Variants in DNM3 observed in about 807,000 individuals in gnomAD.
The protein encoded by DNM3 is dynamin 3, also known as dynamin-3.
DNM3 carries 47 observed loss-of-function variants against 101.6 expected under a neutral mutation model. That is an observed-to-expected ratio of 0.46 (90% CI 0.37 to 0.59). The LOEUF (loss-of-function observed/expected upper bound fraction) is 0.59. DNM3 is among the 20% of genes least tolerant of loss of function. DNM3 has a pLI of 0.00. For missense variants in DNM3, 849 were observed against 1,085.7 expected, an observed-to-expected ratio of 0.78 and a Z score of 3.06; for synonymous variants, 385 against 387.9, an observed-to-expected ratio of 0.99 and a Z score of 0.09.
chr1:171,887,625 T>A (rs1274446346), intron 1 of DNM3, among the ~76,000 whole-genome samples: 1 of 151,214 alleles, frequency 6.6e-6, no homozygotes, highest in Non-Finnish European at 1.5e-5. Context: ...AATTAATTTA[T>A]TTTTTTTTGT....
intron 1 of DNM3, among the ~76,000 whole-genome samples, chr1:171,879,368 G>C (rs2036060485): frequency 6.6e-6 from 1 of 152,102 alleles, no homozygotes; most frequent in Non-Finnish European, 1.5e-5. Context: ...AAGATTATAT[G>C]ATGTACTTTG....
At chr1:172,101,785 A>G (rs1181818556) in intron 13 of DNM3, among the ~76,000 whole-genome samples, 2 of 152,074 alleles carry the variant, frequency 1.3e-5, no homozygotes, top group Non-Finnish European at 2.9e-5. Flanking sequence ...AATAGTTTGT[A>G]AATTTCATCA....
chr1:172,174,519 A>G (rs548792610), intron 14 of DNM3, among the ~76,000 whole-genome samples: 42 of 151,720 alleles, frequency 2.8e-4, no homozygotes, highest in Non-Finnish European at 5.2e-4. Context: ...GAAGGGACTG[A>G]CAAGTTACAC....
intron 17 of DNM3, among the ~76,000 whole-genome samples, chr1:172,365,153 A>C (rs904725427): frequency 6.6e-6 from 1 of 151,974 alleles, no homozygotes; most frequent in African/African-American, 2.4e-5. Flanking sequence ...TAAATGTATA[A>C]TAATGTTAAA....
chr1:172,379,569 G>A (rs536498721), intron 18 of DNM3, among the ~76,000 whole-genome samples: 17 of 152,006 alleles, frequency 1.1e-4, no homozygotes, highest in Non-Finnish European at 2.1e-4. Flanking sequence ...ATGCCCATGC[G>A]TGTGCATGCA....
At chr1:172,343,038 G>A (rs1331215100) in intron 17 of DNM3, among the ~76,000 whole-genome samples, 1 of 152,174 alleles carries the variant, frequency 6.6e-6, no homozygotes, top group Non-Finnish European at 1.5e-5. Flanking sequence ...TCCCTAAGGC[G>A]AAGGAGCTAA....
intron 20 of DNM3, chr1:172,393,809 G>GTTT (rs1558084841): frequency 6.6e-6 from 1 of 152,398 alleles, no homozygotes; most frequent in Non-Finnish European, 1.5e-5. Flanking sequence ...AAGGAAAGAT[G>GTTT]TTTTTTTAAG....
chr1:172,343,847 TCAAC>T (rs2066806384), intron 17 of DNM3, among the ~76,000 whole-genome samples: 1 of 152,208 alleles, frequency 6.6e-6, no homozygotes, highest in Admixed American at 6.5e-5. Flanking sequence ...ACTGAACGGC[TCAAC>T]CAAACAGATA....
intron 20 of DNM3, among the ~76,000 whole-genome samples, chr1:172,391,591 A>G (rs1201914737): frequency 6.6e-6 from 1 of 152,212 alleles, no homozygotes; most frequent in East Asian, 1.9e-4. Context: ...TGTTTGTTTA[A>G]TATATTCTAT....
chr1:172,123,835 G>T (rs1425798559), intron 13 of DNM3, among the ~76,000 whole-genome samples: 3 of 152,034 alleles, frequency 2.0e-5, no homozygotes, highest in African/African-American at 4.8e-5. Context: ...TATTCTGGTG[G>T]CCAACCAGGG....
intron 14 of DNM3, among the ~76,000 whole-genome samples, chr1:172,190,674 C>T (rs911084418): frequency 3.3e-5 from 5 of 152,074 alleles, no homozygotes; most frequent in African/African-American, 1.2e-4. Context: ...CTCTCCAGCA[C>T]CTGTTGTTTC....
intron 20 of DNM3, among the ~76,000 whole-genome samples, chr1:172,396,220 G>A (rs1482954038): frequency 6.6e-6 from 1 of 152,134 alleles, no homozygotes; most frequent in Non-Finnish European, 1.5e-5. Context: ...ATCATAGAAA[G>A]AATAAATTCT....
intron 1 of DNM3, among the ~76,000 whole-genome samples, chr1:171,843,660 G>A (rs961221448): frequency 1.3e-5 from 2 of 152,156 alleles, no homozygotes; most frequent in East Asian, 1.9e-4. Context: ...TGAACTTAAT[G>A]TCAGTTGTAT....
chr1:171,987,936 A>G, intron 3 of DNM3, 131 bp downstream of exon 3: 1 of 843,334 alleles, frequency 1.2e-6, no homozygotes. Flanking sequence ...CTGCCCATTA[A>G]TGTTATGGTT....
chr1:172,122,625 C>T lies in DNM3; in HGVS notation c.1546-8550C>T, dbSNP rs140802029. Among the ~76,000 whole-genome samples the T allele has an allele frequency of 5.3e-3, 810 of 152,286 alleles. 7 individuals are homozygous for T. Among genetic ancestry groups the T allele is most frequent in the Non-Finnish European group, 8.2e-3 (559 of 68,024 alleles). ...TATGCCACAACCTGTTAATCAGTTT[C>T]CTGTTAGGAAAATGGATTGCTTCCA... On this transcript the variant is annotated intron_variant, in intron 13 of 20. Coordinates refer to ENST00000627582, the MANE Select transcript of DNM3 (RefSeq NM_015569.5).
chr1:171,955,914 G>C (rs1041191502), intron 2 of DNM3, among the ~76,000 whole-genome samples: 2 of 152,054 alleles, frequency 1.3e-5, no homozygotes, highest in Non-Finnish European at 2.9e-5. Context: ...GGTTGTGCAG[G>C]GAAACTCCCC....
At chr1:172,130,739 G>A (rs574532137) in intron 13 of DNM3, among the ~76,000 whole-genome samples, 1 of 152,280 alleles carries the variant, frequency 6.6e-6, no homozygotes, top group African/African-American at 2.4e-5. Flanking sequence ...CAGGTCTCTG[G>A]TGGAAATCCT....
intron 16 of DNM3, among the ~76,000 whole-genome samples, chr1:172,321,841 T>G (rs1573462962): frequency 6.6e-6 from 1 of 152,222 alleles, no homozygotes; most frequent in Non-Finnish European, 1.5e-5. Flanking sequence ...GTCCCATTAT[T>G]CTCTAAAATA....
intron 4 of DNM3, among the ~76,000 whole-genome samples, chr1:172,020,740 A>G (rs894036855): frequency 6.6e-6 from 1 of 151,502 alleles, no homozygotes; most frequent in African/African-American, 2.4e-5. Flanking sequence ...AAAAAAAAAA[A>G]AAAAGAACAG....
Sources: allele counts gnomAD v4.1 joint callset (sites outside exome capture counted in the v4.1 genomes callset), GRCh38; gene constraint gnomAD v4.1.1; transcripts MANE v1.5; gene names NCBI Gene and HGNC (gene_info 2026-07-23, HGNC 2026-07-21).